Variants in ADAMTSL1 observed in about 807,000 individuals in gnomAD.
ADAMTSL1 encodes the protein ADAMTS like 1.
Under a neutral mutation model 201.8 loss-of-function variants are expected in ADAMTSL1, and 126 were observed. The ratio of observed to expected loss-of-function variants is 0.62; its 90% CI spans 0.54 to 0.72. The LOEUF is 0.72. ADAMTSL1 is among the 30% of genes least tolerant of loss of function. The pLI is 0.00. For missense variants in ADAMTSL1, 2,679 were observed against 2,277.8 expected (o/e 1.18, Z -3.59); for synonymous variants, 1,121 against 903.4 (o/e 1.24, Z -4.32).
At chr9:18,674,992 A>C (rs1237727786) in intron 9 of ADAMTSL1, among the ~76,000 whole-genome samples, 1 of 122,228 alleles carries the variant, frequency 8.2e-6, no homozygotes, top group Non-Finnish European at 1.8e-5. Flanking sequence ...TCAGTGAAGT[A>C]GGTCAGAGTA....
chr9:17,922,064 C>T (rs1258766353), intron 1 of ADAMTSL1, among the ~76,000 whole-genome samples: 1 of 143,152 alleles, frequency 7.0e-6, no homozygotes, highest in Non-Finnish European at 1.5e-5. Flanking sequence ...AATGTATTCT[C>T]TAAGGTGTGA....
chr9:18,498,620 C>T (rs757807565), intron 1 of ADAMTSL1, among the ~76,000 whole-genome samples: 19 of 152,198 alleles, frequency 1.2e-4, no homozygotes, highest in Non-Finnish European at 2.1e-4. Context: ...TGAGCCACCG[C>T]GCCCGGCCAA....
chr9:18,504,918 T>C lies in ADAMTSL1; in HGVS notation c.153T>C (p.Gly51=). 6.2e-7 allele frequency: 1 copy of C among 1,611,332 alleles called. No homozygotes were observed. The highest frequency in any genetic ancestry group is 8.5e-7 in the Non-Finnish European group (1 of 1,179,254). ...PWSECSRTCG[G]GASYSLRRCL... ...GTGAATGCTCACGCACCTGCGGGGG[T>C]GGGGCCTCCTACTCTCTGAGGCGCT... Residue 51 remains glycine, a synonymous_variant, in exon 2 of 29, where the codon GGT becomes GGC. Coordinates refer to ENST00000380548, the MANE Select transcript of ADAMTSL1 (RefSeq NM_001040272.6).
chr9:18,187,495 T>C (rs1473024697), intron 2 of ADAMTSL1, among the ~76,000 whole-genome samples: 4 of 152,118 alleles, frequency 2.6e-5, no homozygotes, highest in Admixed American at 1.3e-4. Flanking sequence ...GATTGCACAG[T>C]AATGTGTATA....
intron 1 of ADAMTSL1, among the ~76,000 whole-genome samples, chr9:17,909,246 A>G (rs1825839690): frequency 6.8e-6 from 1 of 146,908 alleles, no homozygotes; most frequent in African/African-American, 2.4e-5. Context: ...AGTAGGTTGC[A>G]AAAATTTTCT....
intron 21 of ADAMTSL1, among the ~76,000 whole-genome samples, chr9:18,818,365 A>G (rs1240120605): frequency 6.6e-6 from 1 of 152,182 alleles, no homozygotes; most frequent in Non-Finnish European, 1.5e-5. Context: ...ATGAAGGTTT[A>G]CCTCAATTTG....
intron 22 of ADAMTSL1, among the ~76,000 whole-genome samples, chr9:18,828,702 T>TATATATA (rs1563836176): frequency 3.1e-5 from 2 of 65,500 alleles, no homozygotes; most frequent in Admixed American, 1.3e-4. Context: ...ATAAAATGTG[T>TATATATA]GTGTGTGTAT....
At chr9:17,934,466 T>C (rs1563904991) in intron 1 of ADAMTSL1, among the ~76,000 whole-genome samples, 2 of 152,160 alleles carry the variant, frequency 1.3e-5, no homozygotes, top group South Asian at 2.1e-4. Flanking sequence ...CACTCACTTG[T>C]TTAAGCCTTA....
At chr9:18,174,182 G>T (rs918734478) in intron 2 of ADAMTSL1, among the ~76,000 whole-genome samples, 4 of 152,108 alleles carry the variant, frequency 2.6e-5, no homozygotes, top group African/African-American at 9.7e-5. Flanking sequence ...AATATAAAGA[G>T]CAAATTCACC....
chr9:18,399,516 AT>A (rs11422941), intron 2 of ADAMTSL1, among the ~76,000 whole-genome samples: 17,090 of 147,482 alleles, frequency 0.12, 1,285 homozygotes, highest in South Asian at 0.23. Context: ...TGATTTTTAT[AT>A]TTTTTTGTAG....
chr9:18,460,012 A>G (rs1332971842), intron 2 of ADAMTSL1, among the ~76,000 whole-genome samples: 1 of 152,194 alleles, frequency 6.6e-6, no homozygotes, highest in Non-Finnish European at 1.5e-5. Context: ...TGAGTCATGA[A>G]TAGACATAGT....
intron 23 of ADAMTSL1, among the ~76,000 whole-genome samples, chr9:18,885,976 A>T (rs1358767004): frequency 6.6e-6 from 1 of 151,594 alleles, no homozygotes; most frequent in Non-Finnish European, 1.5e-5. Context: ...TAACAGTTCT[A>T]TCTCTGGATT....
chr9:18,754,035 G>A (rs1819609396), intron 16 of ADAMTSL1, among the ~76,000 whole-genome samples: 2 of 152,204 alleles, frequency 1.3e-5, no homozygotes, highest in Admixed American at 1.3e-4. Context: ...TTTCAAAACA[G>A]GGGTTGACAA....
intron 15 of ADAMTSL1, among the ~76,000 whole-genome samples, chr9:18,727,684 T>A (rs1401106466): frequency 6.6e-6 from 1 of 152,252 alleles, no homozygotes; most frequent in East Asian, 1.9e-4. Context: ...TTATTTTTCC[T>A]AGATATTCTT....
intron 1 of ADAMTSL1, among the ~76,000 whole-genome samples, chr9:17,989,136 T>C (rs891995964): frequency 1.3e-5 from 2 of 151,992 alleles, no homozygotes; most frequent in Admixed American, 6.6e-5. Flanking sequence ...AAACAAATTA[T>C]GTTTATTACA....
intron 2 of ADAMTSL1, among the ~76,000 whole-genome samples, chr9:18,412,030 C>T (rs1045858563): frequency 8.5e-5 from 13 of 152,164 alleles, no homozygotes; most frequent in South Asian, 6.2e-4. Flanking sequence ...ACCATTCATT[C>T]GCTTTTATTC....
intron 2 of ADAMTSL1, among the ~76,000 whole-genome samples, chr9:18,236,915 A>G (rs552247954): frequency 1.3e-5 from 2 of 152,338 alleles, no homozygotes; most frequent in African/African-American, 4.8e-5. Context: ...ATTTATGTGC[A>G]CCTACAATTA....
rs192527477 is a variant in ADAMTSL1 at position 18,585,947 on chromosome 9, A to G, written c.474+11681A>G. Among the ~76,000 whole-genome samples the G allele has an allele frequency of 1.0e-3, 152 of 152,318 alleles. 2 individuals carry two copies. Among genetic ancestry groups the G allele is most frequent in the South Asian group, 9.3e-3 (45 of 4,824 alleles). ...TATTGAAGGAAAATACCCTAAAACA[A>G]TAAGAGTCATCTATGACAAGCCCAC... On this transcript the variant is annotated intron_variant, in intron 4 of 28. Coordinates refer to ENST00000380548, the MANE Select transcript of ADAMTSL1 (RefSeq NM_001040272.6).
chr9:18,819,821 G>C (rs1824097943), intron 21 of ADAMTSL1, among the ~76,000 whole-genome samples: 1 of 152,236 alleles, frequency 6.6e-6, no homozygotes, highest in Non-Finnish European at 1.5e-5. Context: ...CAAAGTAGGT[G>C]GGAAAGAGCC....
Sources: gnomAD v4.1 joint callset for allele counts (sites outside exome capture counted in the v4.1 genomes callset) on GRCh38, gnomAD v4.1.1 for gene constraint, MANE v1.5 for transcripts, NCBI Gene and HGNC (gene_info 2026-07-23, HGNC 2026-07-21) for gene names.